CAPN12: variants seen among roughly 807,000 people sequenced by gnomAD.
The protein encoded by CAPN12 is calpain-12.
A neutral mutation model predicts 95.0 loss-of-function variants in CAPN12; 107 were observed. The ratio of observed to expected loss-of-function variants is 1.13; its 90% CI spans 0.96 to 1.32. CAPN12 has a LOEUF of 1.32. CAPN12 is among the 40% of genes most tolerant of loss of function. The pLI is 0.00. For synonymous variants in CAPN12, 505 were observed against 415.5 expected (o/e 1.22, Z -2.62); for missense variants, 1,136 against 997.8 (o/e 1.14, Z -1.87).
Position 38,736,104 on chromosome 19 carries a change from G to T in CAPN12, c.1583+6C>A. 1.3e-6 allele frequency: 2 copies of T among 1,492,372 alleles called. No individual in the cohort carries two copies. Among genetic ancestry groups the T allele is most frequent in the Non-Finnish European group, 1.8e-6 (2 of 1,124,272 alleles). The allele number at this position is 1,492,372 out of a possible 1,614,324, so 92.4% of individuals were successfully genotyped here. On this transcript the variant is annotated splice_donor_region_variant and intron_variant, in intron 12 of 20. Transcript: ENST00000328867. ...ATGGGGTCGGATTTGGGTGCCCGGGGCTCACACGGCCGTGTGGCGGCGCTC... is the reference window on the plus strand; with the variant it reads ...ATGGGGTCGGATTTGGGTGCCCGGGTCTCACACGGCCGTGTGGCGGCGCTC...
chr19:38,743,551 C>CCG (rs1412529541), intron 1 of CAPN12, among the ~76,000 whole-genome samples: 2 of 110,142 alleles, frequency 1.8e-5, no homozygotes, highest in South Asian at 5.9e-4. Context: ...AGTCCAGGTC[C>CCG]AGCCCCTCCT....
intron 5 of CAPN12, chr19:38,739,434 G>C (rs1970412595): frequency 8.7e-6 from 1 of 114,638 alleles, no homozygotes; most frequent in Non-Finnish European, 1.6e-5. Context: ...GGGTGACAGA[G>C]CAAGATTCCG....
At position 38,743,121 on chromosome 19, in the gene CAPN12, T is replaced by A; in HGVS notation, c.238-19A>T. Reference sequence around the variant, plus strand: ...AGAACTCCTGTGGGTGGTGGGGGATTCCAGGCCTCAGCCTGAGAAAGCGAG... The same window carrying A: ...AGAACTCCTGTGGGTGGTGGGGGATACCAGGCCTCAGCCTGAGAAAGCGAG... On this transcript the variant is annotated intron_variant, in intron 1 of 20. Coordinates refer to ENST00000328867, the MANE Select transcript of CAPN12 (RefSeq NM_144691.4). 6.2e-7 allele frequency: 1 copy of A among 1,613,906 alleles called. No homozygotes were observed. The highest frequency in any genetic ancestry group is 8.5e-7 in the Non-Finnish European group (1 of 1,179,872).
chr19:38,742,474 A>C lies in CAPN12; in HGVS notation c.362T>G (p.Leu121Arg). Residue 121 changes from leucine to arginine, a missense_variant, in exon 3 of 21, where the codon CTG becomes CGG. Transcript: ENST00000328867. ...CTGTCCAGGAGGGACCACCCGGCGC[A>C]GGAGCCGGGGATACAGAGTAAGGGA... The part of the protein sequence containing the change: ...AASLTLYPRL[L>R]RRVVPPGQDF... The C allele has an allele frequency of 6.2e-7, 1 of 1,613,856 alleles. No individual in the cohort carries two copies. The highest frequency in any genetic ancestry group is 8.5e-7 in the Non-Finnish European group (1 of 1,179,874).
chr19:38,737,425 C>G, intron 9 of CAPN12, 37 bp from the exon 10 acceptor site: 1 of 1,609,404 alleles, frequency 6.2e-7, no homozygotes, highest in Non-Finnish European at 8.5e-7. Flanking sequence ...TCCTAGCCGG[C>G]CACAGCGCCC....
In CAPN12 at chr19:38,740,193, C is replaced by A. The variant is rs141115202; in HGVS notation, c.587G>T (p.Arg196Leu). The A allele has an allele frequency of 1.2e-6, 2 of 1,610,436 alleles. No individual in the cohort carries two copies. The highest frequency in any genetic ancestry group is 1.7e-6 in the Non-Finnish European group (2 of 1,178,360). The stretch of plus-strand genomic sequence containing the variant: ...AAAAGCCTCATTCATGTGGCCGCCC[C>A]GCATCACCTCATAGGAGCCGTGGAG... ...AKLHGSYEVM[R>L]GGHMNEAFVD... is the part of the protein sequence containing the mutation. The change falls in exon 5 of 21, where the codon CGG becomes CTG. Residue 196 changes from arginine to leucine, a missense_variant. Transcript: ENST00000328867.
intron 1 of CAPN12, 84 bp downstream of exon 1, chr19:38,743,845 G>T: frequency 7.5e-7 from 1 of 1,330,246 alleles, no homozygotes; most frequent in Non-Finnish European, 1.0e-6. Flanking sequence ...CAGGCCCCCA[G>T]CCTTCCTTCC....
At chr19:38,744,570 T>A (rs1178698329), upstream of CAPN12, 3 of 262,610 alleles carry the variant, frequency 1.1e-5, no homozygotes, top group Non-Finnish European at 2.2e-5. Flanking sequence ...TCTCTCCCCC[T>A]CCCTCTGACA....
chr19:38,741,203 A>G (rs926255838), intron 4 of CAPN12, among the ~76,000 whole-genome samples: 4 of 152,136 alleles, frequency 2.6e-5, no homozygotes, highest in African/African-American at 9.7e-5. Flanking sequence ...AGATTTCAGG[A>G]TCCTTAAGAA....
rs1323041043 is a variant in CAPN12, at chr19:38,731,747, G to A, written c.1958-524C>T. On this transcript the variant is annotated intron_variant, in intron 18 of 20. Coordinates refer to ENST00000328867, the MANE Select transcript of CAPN12 (RefSeq NM_144691.4). ...GCCTGATGACCTTTGTCTCCCACAC[G>A]GCCAGACAAACCCAGTTCCAAGTAC... Among the ~76,000 whole-genome samples, 9 of 152,192 alleles carry A rather than the reference G, an allele frequency of 5.9e-5. No individual in the cohort carries two copies. The South Asian group carries it at 6.2e-4, about 10-fold the overall frequency.
In CAPN12 at chr19:38,731,136, G is replaced by A; in HGVS notation, c.2045C>T (p.Ser682Phe). 6.2e-7 allele frequency: 1 copy of A among 1,612,910 alleles called. No homozygotes were observed. The highest frequency in any genetic ancestry group is 8.5e-7 in the Non-Finnish European group (1 of 1,179,916). The change falls in exon 19 of 21, where the codon TCC (serine) becomes TTC (phenylalanine). Residue 682 changes from serine (S) to phenylalanine (F), a missense_variant. Physicochemically the swap from Ser to Phe is radical, Grantham distance 155 (BLOSUM62 -2). Coordinates refer to ENST00000328867, the MANE Select transcript of CAPN12 (RefSeq NM_144691.4). ...GATGCAGGTGAGGTGGGCCACACAG[G>A]ACACGAACCGCTCGAAGTCCACACG... Reference protein sequence around the residue: ...RLRVDFERFVSCVAHLTCIFC... With the variant: ...RLRVDFERFVFCVAHLTCIFC...
intron 10 of CAPN12, chr19:38,736,794 G>A: frequency 1.7e-6 from 1 of 601,604 alleles, no homozygotes; most frequent in Non-Finnish European, 2.9e-6. Flanking sequence ...GGTCCCCTCT[G>A]GCCCTTCTAA....
At chr19:38,736,646 C>G in intron 10 of CAPN12, 83 bp from the exon 11 acceptor site, 1 of 1,339,204 alleles carries the variant, frequency 7.5e-7, no homozygotes, top group South Asian at 1.5e-5. Flanking sequence ...CTTCTCACCT[C>G]TGTGCTCTCT....
Position 38,739,842 on chromosome 19 carries a change from T to C in CAPN12, c.729+209A>G, listed in dbSNP as rs967778163. On this transcript the variant is annotated intron_variant, in intron 5 of 20. Transcript: ENST00000328867. ...ACACAGAATGAGAAATAAACATAGT[T>C]GCAACACCCTCAGCATCTGGATCCA... 3.9e-5 allele frequency: 19 copies of C among 490,668 alleles called. No individual in the cohort carries two copies. The Middle Eastern group carries it at 1.5e-3, about 40-fold the overall frequency. 30.4% of individuals were successfully genotyped at this position (490,668 alleles called of 1,614,324 possible).
chr19:38,733,700 C>T lies in CAPN12; in HGVS notation c.1957+3G>A, dbSNP rs1236516392. On this transcript the variant is annotated splice_donor_region_variant and intron_variant, in intron 18 of 20. Transcript: ENST00000328867. ...CACGACCACCCCAGGACCCTGTCCACACCTGCTGCATTCAGTGCCAGCCTC... is the reference window on the plus strand; with the variant it reads ...CACGACCACCCCAGGACCCTGTCCATACCTGCTGCATTCAGTGCCAGCCTC... The T allele has an allele frequency of 1.2e-5, 19 of 1,613,108 alleles. No homozygotes were observed. The highest frequency in any genetic ancestry group is 2.2e-5 in the South Asian group (2 of 91,046).
chr19:38,733,550 C>A, intron 18 of CAPN12, 153 bp downstream of exon 18: 2 of 672,026 alleles, frequency 3.0e-6, no homozygotes, highest in Non-Finnish European at 5.1e-6. Flanking sequence ...TTCAGGGTCA[C>A]CCAACCCCTG....
rs767782550 is a variant in CAPN12, at chr19:38,737,566, G to T, written c.1038C>A (p.Gly346=). 1.9e-6 allele frequency: 3 copies of T among 1,612,372 alleles called. No homozygotes were observed. The highest frequency in any genetic ancestry group is 2.5e-6 in the Non-Finnish European group (3 of 1,179,832). ...GCCAGCCGCCCCCCTCCGGGCTGGG[G>T]CCCAGCACCTCCGGGCTCAGCGAGC... ...QICSLSPEVL[G]PSPEGGGWHV... is the part of the protein sequence containing the mutation. Residue 346 remains glycine (G), a synonymous_variant, in exon 9 of 21, where the codon GGC becomes GGA. Coordinates refer to ENST00000328867, the MANE Select transcript of CAPN12 (RefSeq NM_144691.4).
Position 38,744,291 on chromosome 19 carries a change from T to A in CAPN12, c.-126A>T. The A allele has an allele frequency of 2.2e-6, 2 of 890,878 alleles. No individual in the cohort carries two copies. The highest frequency in any genetic ancestry group is 3.5e-6 in the Non-Finnish European group (2 of 563,818). The allele number at this position is 890,878 out of a possible 1,614,324, so 55.2% of individuals were successfully genotyped here. A position where few individuals can be genotyped will look rare whatever the true frequency, so the allele number is the denominator to read the frequency against. On this transcript the variant is annotated 5_prime_UTR_variant, in exon 1 of 21. Transcript: ENST00000328867. ...ATGAGGAGCCTTCCCTCGTTAATAT[T>A]AATTGATGGTTTGGGGTGCTGGGGA...
rs544109566 is a variant in CAPN12, at chr19:38,733,867, C to G, written c.1879-86G>C. The G allele has an allele frequency of 9.6e-6, 11 of 1,143,900 alleles. No individual in the cohort carries two copies. The African/African-American group carries it at 1.7e-4, about 18-fold the overall frequency. The allele number at this position is 1,143,900 out of a possible 1,614,324, so 70.9% of individuals were successfully genotyped here. A position where few individuals can be genotyped will look rare whatever the true frequency, so the allele number is the denominator to read the frequency against. On this transcript the variant is annotated intron_variant, in intron 17 of 20. Coordinates refer to ENST00000328867, the MANE Select transcript of CAPN12 (RefSeq NM_144691.4). ...CCTCCCAGGCAAGACAGCCTGGTGC[C>G]CATCCCAACTCCCTTTCTTCTGGTG...
Sources: gnomAD v4.1 joint callset for allele counts (sites outside exome capture counted in the v4.1 genomes callset) on GRCh38, gnomAD v4.1.1 for gene constraint, MANE v1.5 for transcripts, NCBI Gene and HGNC (gene_info 2026-07-23, HGNC 2026-07-21) for gene names.